The following CNTN3 variants were observed in gnomAD, a reference collection of about 807,000 sequenced individuals.
CNTN3 encodes contactin-3.
A neutral mutation model predicts 119.1 loss-of-function variants in CNTN3; 60 were observed. The observed-to-expected ratio is 0.50, with a 90% CI of 0.41 to 0.62. The LOEUF (loss-of-function observed/expected upper bound fraction) is 0.62, where lower values mean the gene tolerates loss of function less well. Ranked by LOEUF, CNTN3 falls within the 20% of genes least tolerant of loss-of-function variation. CNTN3 has a pLI of 0.00. For synonymous variants in CNTN3, 450 were observed against 438.7 expected, an observed-to-expected ratio of 1.03 and a Z score of -0.32; for missense variants, 1,101 against 1,242.4, an observed-to-expected ratio of 0.89 and a Z score of 1.71.
chr3:74,367,774 T>C (rs184499640), intron 8 of CNTN3, among the ~76,000 whole-genome samples: 3 of 152,246 alleles, frequency 2.0e-5, no homozygotes, highest in East Asian at 3.9e-4. Context: ...CAATTGTTTA[T>C]TATGTATACA....
At chr3:74,298,945 C>A (rs1361064809) in intron 17 of CNTN3, among the ~76,000 whole-genome samples, 1 of 149,130 alleles carries the variant, frequency 6.7e-6, no homozygotes, top group Non-Finnish European at 1.5e-5. Flanking sequence ...TGAATTACAT[C>A]CCTGTAACTC....
chr3:74,427,451 C>T (rs1350736174), intron 4 of CNTN3, among the ~76,000 whole-genome samples: 2 of 152,078 alleles, frequency 1.3e-5, no homozygotes, highest in East Asian at 3.9e-4. Flanking sequence ...GACTTTTCTC[C>T]TTTTTTGCAA....
intron 13 of CNTN3, 147 bp from the exon 14 acceptor site, chr3:74,302,954 A>G (rs112925485): frequency 9.4e-5 from 50 of 532,752 alleles, no homozygotes; most frequent in East Asian, 4.5e-4. Context: ...GATTGCTACA[A>G]TGGAATGTAT....
chr3:74,523,134 C>T lies in CNTN3; in HGVS notation c.-80-1942G>A, dbSNP rs78323565. Among the ~76,000 whole-genome samples, 320 of 151,630 alleles carry T rather than the reference C, an allele frequency of 2.1e-3. 4 individuals carry two copies. In the East Asian group the frequency reaches 0.045, roughly 21 times the overall value. ...CTCAATCAATGACATATCCTATGTCCACAATTATTTTCAATTACTAATTTA... is the reference window on the plus strand; with the variant it reads ...CTCAATCAATGACATATCCTATGTCTACAATTATTTTCAATTACTAATTTA... On this transcript the variant is annotated intron_variant, in intron 1 of 22. Transcript: ENST00000263665.
chr3:74,565,941 T>C (rs934819814), intron 1 of CNTN3, among the ~76,000 whole-genome samples: 3 of 152,130 alleles, frequency 2.0e-5, no homozygotes, highest in African/African-American at 4.8e-5. Flanking sequence ...GTTCTTGTGA[T>C]AGTGAATAAG....
At chr3:74,516,364 C>T (rs1703451096) in intron 2 of CNTN3, among the ~76,000 whole-genome samples, 2 of 150,156 alleles carry the variant, frequency 1.3e-5, no homozygotes, top group South Asian at 2.1e-4. Flanking sequence ...CCCCAGTCTA[C>T]TCAATGTGAA....
At position 74,313,872 on chromosome 3, in the gene CNTN3, T is replaced by C. The variant is rs191967555; in HGVS notation, c.1669-11065A>G. On this transcript the variant is annotated intron_variant, in intron 13 of 22. Coordinates refer to ENST00000263665, the MANE Select transcript of CNTN3 (RefSeq NM_020872.3). ...AAAGACATAGAAAGGGAAAGGGGCA[T>C]GGCTGCATTAATGGGGATTATCTAG... 8.5e-4 allele frequency among the ~76,000 whole-genome samples: 130 copies of C among 152,320 alleles called. No individual in the cohort carries two copies. The Middle Eastern group carries it at 0.034, about 40-fold the overall frequency.
Position 74,285,325 on chromosome 3 carries a change from T to G in CNTN3, c.2684A>C (p.Asn895Thr). Residue 895 changes from asparagine (N) to threonine (T), a missense_variant, in exon 20 of 23, where the codon AAT (asparagine) becomes ACT (threonine). By Grantham distance (65) the Asn-to-Thr change is moderately conservative (BLOSUM62 0). Coordinates refer to ENST00000263665, the MANE Select transcript of CNTN3 (RefSeq NM_020872.3). Reference protein sequence around the residue: ...AGAGPFSATVNVTTKKTPPSQ... With the variant: ...AGAGPFSATVTVTTKKTPPSQ... ...CTTACGCGTTTTCTTGGTGGTTACA[T>G]TAACTGTGGCGCTAAAAGGCCCAGC... is the stretch of plus-strand genomic sequence containing the variant. 1 of 1,608,078 alleles carries G rather than the reference T, an allele frequency of 6.2e-7. No homozygotes were observed. Among genetic ancestry groups the G allele is most frequent in the Non-Finnish European group, 8.5e-7 (1 of 1,178,294 alleles).
intron 5 of CNTN3, among the ~76,000 whole-genome samples, chr3:74,406,562 A>T (rs1314219220): frequency 6.6e-6 from 1 of 151,926 alleles, no homozygotes; most frequent in African/African-American, 2.4e-5. Flanking sequence ...AATTATCTTC[A>T]AGAGAAAGGC....
At chr3:74,603,790 C>T (rs908581092) in intron 1 of CNTN3, among the ~76,000 whole-genome samples, 3 of 151,984 alleles carry the variant, frequency 2.0e-5, no homozygotes, top group Middle Eastern at 3.4e-3. Flanking sequence ...ATTCCAAAGA[C>T]ATTTTTCACA....
intron 5 of CNTN3, among the ~76,000 whole-genome samples, chr3:74,387,154 G>T (rs1365498170): frequency 2.6e-5 from 4 of 152,140 alleles, no homozygotes; most frequent in Non-Finnish European, 5.9e-5. Context: ...ATTGAATGGT[G>T]GAAGCTGCTT....
intron 13 of CNTN3, among the ~76,000 whole-genome samples, chr3:74,303,231 G>A (rs1702493729): frequency 6.6e-6 from 1 of 152,116 alleles, no homozygotes; most frequent in Non-Finnish European, 1.5e-5. Flanking sequence ...TCTAGTGGGA[G>A]ATAAATGCAG....
chr3:74,529,037 G>GTA (rs202180001), intron 1 of CNTN3, among the ~76,000 whole-genome samples: 329 of 151,468 alleles, frequency 2.2e-3, no homozygotes, highest in African/African-American at 6.4e-3. Context: ...GCTGTTTATA[G>GTA]TATATATATA....
At chr3:74,527,016 T>G (rs1197325024) in intron 1 of CNTN3, among the ~76,000 whole-genome samples, 1 of 151,906 alleles carries the variant, frequency 6.6e-6, no homozygotes, top group Non-Finnish European at 1.5e-5. Context: ...GTGTGTACTC[T>G]ATGCTTTATT....
At chr3:74,382,267 T>G (rs1408408572) in intron 5 of CNTN3, among the ~76,000 whole-genome samples, 1 of 152,178 alleles carries the variant, frequency 6.6e-6, no homozygotes, top group Non-Finnish European at 1.5e-5. Flanking sequence ...TTATATATTT[T>G]TATGGGGTAC....
chr3:74,569,592 T>C (rs1704278537), intron 1 of CNTN3, among the ~76,000 whole-genome samples: 1 of 152,198 alleles, frequency 6.6e-6, no homozygotes, highest in Non-Finnish European at 1.5e-5. Context: ...GTATCTTAAA[T>C]AAGATCTTGA....
chr3:74,460,306 G>T (rs952075309), intron 4 of CNTN3, among the ~76,000 whole-genome samples: 3 of 151,778 alleles, frequency 2.0e-5, no homozygotes, highest in Non-Finnish European at 4.4e-5. Flanking sequence ...AAACTAACTA[G>T]CAAACACAAA....
At chr3:74,380,734 G>A (rs925985598) in intron 5 of CNTN3, among the ~76,000 whole-genome samples, 14 of 152,164 alleles carry the variant, frequency 9.2e-5, no homozygotes, top group Non-Finnish European at 1.9e-4. Context: ...GAACCATACA[G>A]ACAGGGAAAA....
intron 2 of CNTN3, among the ~76,000 whole-genome samples, chr3:74,514,223 TA>T (rs2107109934): frequency 6.6e-6 from 1 of 152,278 alleles, no homozygotes; most frequent in South Asian, 2.1e-4. Flanking sequence ...ATGGTAGTGA[TA>T]ATATGCTCCA....
Sources: gnomAD v4.1 joint callset for allele counts (sites outside exome capture counted in the v4.1 genomes callset) on GRCh38, gnomAD v4.1.1 for gene constraint, MANE v1.5 for transcripts, NCBI Gene and HGNC (gene_info 2026-07-23, HGNC 2026-07-21) for gene names.